The following MBNL3 variants were observed in gnomAD, a reference collection of about 807,000 sequenced individuals.
MBNL3 encodes muscleblind-like protein 3.
Under a neutral mutation model 24.5 loss-of-function variants are expected in MBNL3, and 6 were observed. The ratio of observed to expected loss-of-function variants is 0.25; its 90% CI spans 0.13 to 0.48. MBNL3 has a LOEUF of 0.48. Among genes scored for constraint, MBNL3 ranks in the 20% least tolerant of loss-of-function variants. The pLI, the probability that MBNL3 is intolerant of heterozygous loss-of-function variation, is 0.99. For synonymous variants in MBNL3, 100 were observed against 101.7 expected, an observed-to-expected ratio of 0.98 and a Z score of 0.10; for missense variants, 230 against 293.5, an observed-to-expected ratio of 0.78 and a Z score of 1.58.
chrX:132,423,235 G>A (rs1393495319), intron 2 of MBNL3, among the ~76,000 whole-genome samples: 1 of 111,798 alleles, frequency 8.9e-6, no homozygotes, highest in Non-Finnish European at 1.9e-5. Flanking sequence ...ATGATGGTAA[G>A]TATGTATATG....
intron 1 of MBNL3, among the ~76,000 whole-genome samples, chrX:132,463,324 T>C (rs375993454): frequency 2.7e-5 from 3 of 111,365 alleles, no homozygotes; most frequent in African/African-American, 9.8e-5. Context: ...TAGTTGGGCA[T>C]GGTGGCTCAC....
intron 3 of MBNL3, among the ~76,000 whole-genome samples, chrX:132,394,313 CTGA>C (rs1246992448): frequency 8.9e-6 from 1 of 111,939 alleles, no homozygotes; most frequent in African/African-American, 3.2e-5. Context: ...CAGGAACTAG[CTGA>C]TGTGACATGA....
intron 1 of MBNL3, among the ~76,000 whole-genome samples, chrX:132,448,682 CT>C (rs1331366791): frequency 9.0e-6 from 1 of 111,407 alleles, no homozygotes; most frequent in East Asian, 2.8e-4. Flanking sequence ...CTTCTGCTAG[CT>C]TTTGAGTTTG....
chrX:132,451,711 G>A (rs966298467), intron 1 of MBNL3, among the ~76,000 whole-genome samples: 1 of 111,401 alleles, frequency 9.0e-6, no homozygotes, highest in East Asian at 2.8e-4. Context: ...AGGTGCCACT[G>A]GGGTATGAAA....
chrX:132,391,232 G>A (rs1937130015), intron 4 of MBNL3, 149 bp from the exon 5 acceptor site: 5 of 444,114 alleles, frequency 1.1e-5, no homozygotes, highest in South Asian at 9.0e-5. Flanking sequence ...AAAGAATAAT[G>A]TAAAGCCATA....
chrX:132,481,607 T>C, intron 1 of MBNL3, among the ~76,000 whole-genome samples: 1 of 111,937 alleles, frequency 8.9e-6, no homozygotes, highest in Non-Finnish European at 1.9e-5. Flanking sequence ...GCATGAGAGT[T>C]CTCTAAATCA....
intron 1 of MBNL3, among the ~76,000 whole-genome samples, chrX:132,454,972 A>T (rs1018084615): frequency 1.8e-5 from 2 of 112,304 alleles, no homozygotes; most frequent in Admixed American, 9.4e-5. Flanking sequence ...TTCACTGGAA[A>T]TTGTGGGCCT....
intron 2 of MBNL3, among the ~76,000 whole-genome samples, chrX:132,408,092 C>A (rs1435535810): frequency 4.4e-5 from 1 of 22,549 alleles, no homozygotes; most frequent in Non-Finnish European, 7.9e-5. Flanking sequence ...GAATTTCAGT[C>A]TTTTTTTTTT....
At chrX:132,477,358 C>T (rs764614655) in intron 1 of MBNL3, among the ~76,000 whole-genome samples, 2 of 112,372 alleles carry the variant, frequency 1.8e-5, no homozygotes, top group African/African-American at 6.5e-5. Context: ...GCTGACATTA[C>T]ATTTTCAGAG....
rs572962079 is a variant in MBNL3, at chrX:132,457,886, G to A, written c.-703-17572C>T. 4.1e-4 allele frequency among the ~76,000 whole-genome samples: 46 copies of A among 111,206 alleles called. No individual in the cohort carries two copies. The South Asian group carries it at 0.014, about 33-fold the overall frequency. On this transcript the variant is annotated intron_variant, in intron 1 of 8. Coordinates refer to ENST00000370853, the MANE Select transcript of MBNL3 (RefSeq NM_001386889.1). ...AAGCAGCTTTCATATTAGTAATTAC[G>A]GAAACAACACAACTCATGTTTTCAG... is the stretch of plus-strand genomic sequence containing the variant.
Position 132,373,509 on chromosome X carries a change from G to A in MBNL3, c.*6157C>T, listed in dbSNP as rs1179311971. 2 of 111,481 alleles carry A rather than the reference G, an allele frequency of 1.8e-5. No homozygotes were observed. The highest frequency in any genetic ancestry group is 3.3e-5 in the African/African-American group (1 of 30,715). 9.2% of individuals were successfully genotyped at this position (111,481 alleles called of 1,213,427 possible). On this transcript the variant is annotated 3_prime_UTR_variant, in exon 9 of 9. Transcript: ENST00000370853. ...TCTAGCCAACTGGCCCTGAGGTATT[G>A]GACAACTGTAAGGCTTGGATTGCTT...
rs1933512087 is a variant in MBNL3, at chrX:132,370,403, A to G, written c.*9263T>C. ...ATCATATCAGAACTTTCCAGATAAT[A>G]ACAAAATTACGAGAGTGTTCATTTT... On this transcript the variant is annotated 3_prime_UTR_variant, in exon 9 of 9. Transcript: ENST00000370853. The G allele has an allele frequency of 8.9e-6, 1 of 111,854 alleles. No individual in the cohort carries two copies. The highest frequency in any genetic ancestry group is 1.9e-5 in the Non-Finnish European group (1 of 53,156). 9.2% of individuals were successfully genotyped at this position (111,854 alleles called of 1,213,427 possible).
intron 6 of MBNL3, among the ~76,000 whole-genome samples, chrX:132,385,042 G>A (rs981554904): frequency 3.6e-5 from 4 of 110,874 alleles, no homozygotes; most frequent in African/African-American, 1.3e-4. Context: ...TTCTAAATAT[G>A]CTCCAGAATC....
chrX:132,369,992 G>A lies in MBNL3; in HGVS notation c.*9674C>T, dbSNP rs183662399. ...GACATGTTTGTACAAATGGGAATCA[G>A]ATAGTCTGTCCCTCTCACAAAGCTA... On this transcript the variant is annotated 3_prime_UTR_variant, in exon 9 of 9. Transcript: ENST00000370853. 1 of 111,955 alleles carries A rather than the reference G, an allele frequency of 8.9e-6. No homozygotes were observed. Among genetic ancestry groups the A allele is most frequent in the Non-Finnish European group, 1.9e-5 (1 of 53,220 alleles). The allele number at this position is 111,955 out of a possible 1,213,427, so 9.2% of individuals were successfully genotyped here.
chrX:132,434,817 C>T (rs147639394), intron 2 of MBNL3, among the ~76,000 whole-genome samples: 1,838 of 111,372 alleles, frequency 0.017, 30 homozygotes, highest in African/African-American at 0.057. Context: ...TGTGGGATCC[C>T]AGATTGGATC....
chrX:132,397,792 T>C (rs1019238334), intron 3 of MBNL3, among the ~76,000 whole-genome samples: 18 of 111,047 alleles, frequency 1.6e-4, no homozygotes, highest in African/African-American at 5.2e-4. Context: ...CAGAGTACAA[T>C]TGAATAATCT....
In MBNL3 at chrX:132,379,071, C is replaced by T. The variant is rs1047831482; in HGVS notation, c.*595G>A. 2.7e-5 allele frequency: 3 copies of T among 111,887 alleles called. No homozygotes were observed. The highest frequency in any genetic ancestry group is 9.7e-5 in the African/African-American group (3 of 30,815). 9.2% of individuals were successfully genotyped at this position (111,887 alleles called of 1,213,427 possible). Reference sequence around the variant, plus strand: ...AGAAAGAGAGCATATTTGCATGAACCTGTCATGTTCTTAAGCACATATACT... The same window carrying T: ...AGAAAGAGAGCATATTTGCATGAACTTGTCATGTTCTTAAGCACATATACT... On this transcript the variant is annotated 3_prime_UTR_variant, in exon 9 of 9. Coordinates refer to ENST00000370853, the MANE Select transcript of MBNL3 (RefSeq NM_001386889.1).
chrX:132,389,167 A>T (rs1184441955), intron 5 of MBNL3, among the ~76,000 whole-genome samples: 1 of 112,288 alleles, frequency 8.9e-6, no homozygotes, highest in Non-Finnish European at 1.9e-5. Context: ...AGACAAAAAG[A>T]ATTTGGTAAA....
chrX:132,417,450 A>G (rs1012931346), intron 2 of MBNL3, among the ~76,000 whole-genome samples: 1 of 112,091 alleles, frequency 8.9e-6, no homozygotes, highest in Admixed American at 9.5e-5. Flanking sequence ...ACAAGAAAAA[A>G]ATAAAGCAAA....
Sources: allele counts gnomAD v4.1 joint callset (sites outside exome capture counted in the v4.1 genomes callset), GRCh38; gene constraint gnomAD v4.1.1; transcripts MANE v1.5; gene names NCBI Gene and HGNC (gene_info 2026-07-23, HGNC 2026-07-21).